The following ADGRG2 variants were observed in gnomAD, a reference collection of about 807,000 sequenced individuals.
ADGRG2 encodes the protein G protein-coupled receptor 64.
In ADGRG2, 26 loss-of-function variants were observed where a neutral mutation model predicts 74.1. The ratio of observed to expected loss-of-function variants is 0.35; its 90% CI spans 0.26 to 0.49. The LOEUF is 0.49. Ranked by LOEUF, ADGRG2 falls within the 20% of genes least tolerant of loss-of-function variation. ADGRG2 has a pLI of 0.99. For missense variants in ADGRG2, 619 were observed against 763.1 expected, an observed-to-expected ratio of 0.81 and a Z score of 2.22; for synonymous variants, 296 against 295.2, an observed-to-expected ratio of 1.00 and a Z score of -0.03.
intron 1 of ADGRG2, among the ~76,000 whole-genome samples, chrX:19,112,669 C>T (rs1824598277): frequency 9.6e-6 from 1 of 104,267 alleles, no homozygotes; most frequent in Non-Finnish European, 1.9e-5. Context: ...AAAAAAAAGG[C>T]CGGGTAAGGT....
intron 1 of ADGRG2, among the ~76,000 whole-genome samples, chrX:19,093,066 A>G (rs188635271): frequency 8.9e-6 from 1 of 111,811 alleles, no homozygotes; most frequent in African/African-American, 3.2e-5. Flanking sequence ...ATCGTGTTTT[A>G]TTCTGAAATC....
intron 8 of ADGRG2, chrX:19,032,846 G>A (rs903279618): frequency 5.4e-5 from 6 of 112,000 alleles, no homozygotes; most frequent in African/African-American, 1.9e-4. Context: ...TTTGCCAACC[G>A]CTACTTGAAA....
At chrX:19,027,106 A>G in intron 11 of ADGRG2, 113 bp downstream of exon 11, 1 of 597,446 alleles carries the variant, frequency 1.7e-6, no homozygotes, top group Admixed American at 2.4e-5. Flanking sequence ...TTGGCTCTAT[A>G]ACCTTTGGGC....
At chrX:19,071,716 C>T (rs1160669159) in intron 2 of ADGRG2, among the ~76,000 whole-genome samples, 3 of 110,393 alleles carry the variant, frequency 2.7e-5, no homozygotes, top group Admixed American at 9.7e-5. Flanking sequence ...GTTCAGTTCA[C>T]GAAATTCACT....
rs1442643113 is a variant in ADGRG2, at chrX:18,994,891, C to T, written c.2869+5G>A. 8.5e-7 allele frequency: 1 copy of T among 1,179,138 alleles called. No homozygotes were observed. The highest frequency in any genetic ancestry group is 1.9e-5 in the South Asian group (1 of 53,555). ...TTGAGAAATACTATATTGAGACATA[C>T]ATACCATTCCCGCTTGCGTGTACTG... On this transcript the variant is annotated splice_donor_5th_base_variant and intron_variant, in intron 28 of 28. Coordinates refer to ENST00000379869, the MANE Select transcript of ADGRG2 (RefSeq NM_001079858.3).
chrX:19,044,714 C>G (rs193010264), intron 3 of ADGRG2, among the ~76,000 whole-genome samples: 1 of 111,274 alleles, frequency 9.0e-6, no homozygotes, highest in East Asian at 2.8e-4. Context: ...CCTGACTCCT[C>G]CCCATCCCCA....
Position 19,068,725 on chromosome X carries a change from G to A in ADGRG2, c.110C>T (p.Ser37Phe). 1.0e-6 allele frequency: 1 copy of A among 976,541 alleles called. No individual in the cohort carries two copies. The highest frequency in any genetic ancestry group is 1.4e-6 in the Non-Finnish European group (1 of 698,826). The allele number at this position is 976,541 out of a possible 1,213,427, so 80.5% of individuals were successfully genotyped here. A position where few individuals can be genotyped will look rare whatever the true frequency, so the allele number is the denominator to read the frequency against. Residue 37 changes from serine to phenylalanine, a missense_variant, in exon 3 of 29, where the codon TCC becomes TTC. Ser to Phe is a radical substitution (Grantham distance 155). Transcript: ENST00000379869. ...IICLHVVLVT[S>F]LEEDTDNSSL... ...AAAAACAGACACATTACCTTCCAGG[G>A]ATGTTACCAGAACGACATGAAGACA...
chrX:19,063,169 C>T (rs904530784), intron 3 of ADGRG2, among the ~76,000 whole-genome samples: 5 of 111,610 alleles, frequency 4.5e-5, no homozygotes, highest in East Asian at 2.8e-4. Context: ...AGTGGCCTGA[C>T]GAGAGAGTGT....
At chrX:19,024,539 G>A (rs763997630) in intron 11 of ADGRG2, among the ~76,000 whole-genome samples, 19 of 112,482 alleles carry the variant, frequency 1.7e-4, no homozygotes, top group Non-Finnish European at 3.4e-4. Context: ...ATTCTAAGGC[G>A]GTAGTTCTCA....
chrX:19,057,754 C>T (rs928992695), intron 3 of ADGRG2, among the ~76,000 whole-genome samples: 4 of 111,107 alleles, frequency 3.6e-5, no homozygotes, highest in Admixed American at 9.6e-5. Context: ...GTGGGAGGTG[C>T]GCTTGAGCCC....
chrX:19,070,902 G>A (rs1346230573), intron 2 of ADGRG2, among the ~76,000 whole-genome samples: 5 of 111,996 alleles, frequency 4.5e-5, no homozygotes, highest in Non-Finnish European at 9.4e-5. Flanking sequence ...CTGTTGCGGT[G>A]AGTAAACAAG....
At chrX:19,048,141 C>T (rs761841741) in intron 3 of ADGRG2, among the ~76,000 whole-genome samples, 1 of 111,322 alleles carries the variant, frequency 9.0e-6, no homozygotes, top group Non-Finnish European at 1.9e-5. Context: ...CTTGATCCCT[C>T]CAGAACTCAT....
At chrX:19,021,723 G>A (rs1286842393) in intron 13 of ADGRG2, among the ~76,000 whole-genome samples, 2 of 110,483 alleles carry the variant, frequency 1.8e-5, no homozygotes, top group Non-Finnish European at 3.8e-5. Flanking sequence ...TCAGCTCACT[G>A]CAACCTCCCC....
At chrX:18,995,904 A>G (rs1022567874) in intron 27 of ADGRG2, 147 bp downstream of exon 27, 30 of 383,953 alleles carry the variant, frequency 7.8e-5, no homozygotes, top group Non-Finnish European at 1.4e-4. Context: ...TTTTCTCCCT[A>G]ATGTTCACGA....
At chrX:19,061,806 G>A (rs2061493209) in intron 3 of ADGRG2, among the ~76,000 whole-genome samples, 1 of 111,987 alleles carries the variant, frequency 8.9e-6, no homozygotes. Context: ...TGGCGCCTGG[G>A]CTGAGAATGG....
chrX:19,031,619 T>G (rs1264228755), intron 8 of ADGRG2: 1 of 112,335 alleles, frequency 8.9e-6, no homozygotes, highest in Admixed American at 9.5e-5. Flanking sequence ...TAGTGGATGA[T>G]ACTAGCCAGT....
Position 19,002,830 on chromosome X carries a change from G to T in ADGRG2, c.2230+16C>A, listed in dbSNP as rs749524325. 15 of 1,195,129 alleles carry T rather than the reference G, an allele frequency of 1.3e-5. No homozygotes were observed. In the East Asian group the frequency reaches 4.5e-4, roughly 36 times the overall value. ...CAGAGAAAGTCCAGGCAACATGCAG[G>T]CAAGCTTATACATACCCCAACCGAC... is the stretch of plus-strand genomic sequence containing the variant. On this transcript the variant is annotated intron_variant, in intron 24 of 28. Coordinates refer to ENST00000379869, the MANE Select transcript of ADGRG2 (RefSeq NM_001079858.3).
intron 3 of ADGRG2, among the ~76,000 whole-genome samples, chrX:19,059,898 G>A (rs186343632): frequency 0.012 from 1,320 of 111,303 alleles, 8 homozygotes; most frequent in Non-Finnish European, 0.019. Flanking sequence ...TTGGGAGGCC[G>A]AGGTAGGTGG....
At chrX:19,021,975 T>C (rs2060598996) in intron 13 of ADGRG2, among the ~76,000 whole-genome samples, 1 of 108,863 alleles carries the variant, frequency 9.2e-6, no homozygotes, top group Non-Finnish European at 1.9e-5. Context: ...ATCCAAAATC[T>C]TTCTGGGGCC....
Sources: gnomAD v4.1 joint callset for allele counts (sites outside exome capture counted in the v4.1 genomes callset) on GRCh38, gnomAD v4.1.1 for gene constraint, MANE v1.5 for transcripts, NCBI Gene and HGNC (gene_info 2026-07-23, HGNC 2026-07-21) for gene names.